Variants in WDR49 observed in about 807,000 individuals in gnomAD.
WDR49 encodes the protein cilia- and flagella-associated protein 337.
In WDR49, 107 loss-of-function variants were observed where a neutral mutation model predicts 119.5. The ratio of observed to expected loss-of-function variants is 0.90; its 90% CI spans 0.77 to 1.05. The LOEUF is 1.05. WDR49 is among the 50% of genes least tolerant of loss of function. The pLI, the probability that WDR49 is intolerant of heterozygous loss-of-function variation, is 0.00. For synonymous variants in WDR49, 425 were observed against 418.8 expected (o/e 1.01, Z -0.18); for missense variants, 1,240 against 1,220.5 (o/e 1.02, Z -0.24).
intron 8 of WDR49, among the ~76,000 whole-genome samples, chr3:167,574,600 T>C (rs143982158): frequency 1.3e-5 from 2 of 150,068 alleles, no homozygotes; most frequent in African/African-American, 4.8e-5. Flanking sequence ...CATTGTCCTT[T>C]GGTTGCCTAT....
intron 5 of WDR49, 122 bp from the exon 6 acceptor site, chr3:167,604,590 G>T: frequency 2.0e-6 from 2 of 998,746 alleles, no homozygotes; most frequent in Non-Finnish European, 1.4e-6. Context: ...GATACAAACT[G>T]ATACTTAAAA....
chr3:167,633,376 G>C (rs557879471), intron 2 of WDR49: 8 of 451,132 alleles, frequency 1.8e-5, no homozygotes, highest in African/African-American at 1.6e-4. Flanking sequence ...ATAGAAAGCT[G>C]TCCTAAGTGA....
At chr3:167,636,280 C>A (rs1717615481) in intron 2 of WDR49, among the ~76,000 whole-genome samples, 1 of 147,374 alleles carries the variant, frequency 6.8e-6, no homozygotes, top group Admixed American at 6.7e-5. Context: ...GAGGTTGCTG[C>A]AAATATCATT....
At chr3:167,480,757 C>T (rs1052206652) in intron 18 of WDR49, among the ~76,000 whole-genome samples, 5 of 152,102 alleles carry the variant, frequency 3.3e-5, no homozygotes, top group Admixed American at 1.3e-4. Context: ...AGAGAGTATA[C>T]GAAGGCCAGC....
At chr3:167,485,142 A>T (rs1396671237) in intron 18 of WDR49, among the ~76,000 whole-genome samples, 2 of 152,140 alleles carry the variant, frequency 1.3e-5, no homozygotes, top group Non-Finnish European at 2.9e-5. Flanking sequence ...GAGTTGAACA[A>T]TGAGAACACA....
intron 16 of WDR49, among the ~76,000 whole-genome samples, chr3:167,509,960 C>A (rs1188041516): frequency 6.6e-6 from 1 of 152,044 alleles, no homozygotes; most frequent in Admixed American, 6.6e-5. Context: ...ATAAAATGTA[C>A]ATTTTTTCAT....
chr3:167,641,742 C>T (rs1012696005), intron 2 of WDR49, among the ~76,000 whole-genome samples: 15 of 151,750 alleles, frequency 9.9e-5, no homozygotes, highest in Admixed American at 3.3e-4. Flanking sequence ...TGGGGGAAAA[C>T]ACAGCCTACA....
intron 2 of WDR49, among the ~76,000 whole-genome samples, chr3:167,642,155 A>AT (rs1187622353): frequency 6.6e-6 from 1 of 151,920 alleles, no homozygotes; most frequent in Non-Finnish European, 1.5e-5. Context: ...CAAAACAAAG[A>AT]TTTTTTAAAC....
chr3:167,532,904 G>C lies in WDR49; in HGVS notation c.2028C>G (p.Tyr676Ter). The change falls in exon 12 of 19, where the codon TAC becomes TAG. Residue 676 changes from tyrosine (Y) to a stop codon, truncating the protein, a stop_gained. Coordinates refer to ENST00000682715, the MANE Select transcript of WDR49 (RefSeq NM_001366157.1). LOFTEE classifies it high-confidence loss of function. ...ENAHHVLHPD[Y>*]QRLLKSKLDT... Reference sequence around the variant, plus strand: ...CTAATTTTGACTTTAGCAACCTCTGGTAATCAGGGTGAAGAACATGGTGAG... The same window carrying C: ...CTAATTTTGACTTTAGCAACCTCTGCTAATCAGGGTGAAGAACATGGTGAG... 12 of 1,608,744 alleles carry C rather than the reference G, an allele frequency of 7.5e-6. No homozygotes were observed. Among genetic ancestry groups the C allele is most frequent in the Non-Finnish European group, 1.0e-5 (12 of 1,176,788 alleles).
chr3:167,539,520 A>T (rs1358437381), intron 10 of WDR49, among the ~76,000 whole-genome samples: 3 of 152,150 alleles, frequency 2.0e-5, no homozygotes, highest in Non-Finnish European at 4.4e-5. Context: ...CATCATTCAC[A>T]TTTAACTTGT....
intron 18 of WDR49, among the ~76,000 whole-genome samples, chr3:167,493,701 C>T (rs148331553): frequency 3.2e-4 from 48 of 152,262 alleles, no homozygotes; most frequent in African/African-American, 7.9e-4. Flanking sequence ...AAAATCAGAA[C>T]AAAAATATTG....
chr3:167,505,882 A>G (rs1031087868), intron 16 of WDR49, among the ~76,000 whole-genome samples: 5 of 152,230 alleles, frequency 3.3e-5, no homozygotes, highest in Admixed American at 6.5e-5. Flanking sequence ...ATATGAATCT[A>G]TAAGAAAATT....
chr3:167,540,865 C>A (rs139092971), intron 10 of WDR49, among the ~76,000 whole-genome samples: 277 of 151,960 alleles, frequency 1.8e-3, no homozygotes, highest in African/African-American at 6.6e-3. Flanking sequence ...AAAACAATCA[C>A]AACTTCTGAA....
At chr3:167,560,793 A>T (rs1197458804) in intron 8 of WDR49, among the ~76,000 whole-genome samples, 1 of 152,110 alleles carries the variant, frequency 6.6e-6, no homozygotes, top group African/African-American at 2.4e-5. Flanking sequence ...CTAAAAAAAA[A>T]AAAAAAGAGC....
Position 167,539,155 on chromosome 3 carries a change from T to C in WDR49, c.1824-2155A>G, listed in dbSNP as rs576997846. ...GAATAATTTTCTATTAAAATAAAGA[T>C]AGATGAATTAATGCAAGAGAACGCA... On this transcript the variant is annotated intron_variant, in intron 10 of 18. Transcript: ENST00000682715. Among the ~76,000 whole-genome samples the C allele has an allele frequency of 1.3e-4, 20 of 152,282 alleles. No individual in the cohort carries two copies. The Middle Eastern group carries it at 0.014, about 104-fold the overall frequency.
At chr3:167,526,318 T>C (rs1230748866) in intron 15 of WDR49, among the ~76,000 whole-genome samples, 1 of 152,188 alleles carries the variant, frequency 6.6e-6, no homozygotes, top group Non-Finnish European at 1.5e-5. Context: ...GAACTTTATA[T>C]GGCACCTACA....
chr3:167,478,956 C>T lies in WDR49; in HGVS notation c.3072G>A (p.Lys1024=). The T allele has an allele frequency of 6.2e-7, 1 of 1,608,456 alleles. No homozygotes were observed. The highest frequency in any genetic ancestry group is 8.5e-7 in the Non-Finnish European group (1 of 1,178,624). Residue 1024 remains lysine (K), a synonymous_variant, in exon 19 of 19, where the codon AAG becomes AAA. Transcript: ENST00000682715. Reference sequence around the variant, plus strand: ...CTTTTCGTTCATGATGCAGAATTTCCTTGGGAAACAGGTTTTTCTCATCAA... The same window carrying T: ...CTTTTCGTTCATGATGCAGAATTTCTTTGGGAAACAGGTTTTTCTCATCAA... ...AVFDEKNLFP[K]EILHHERKAK...
At chr3:167,623,939 G>A (rs1014060780) in intron 3 of WDR49, among the ~76,000 whole-genome samples, 12 of 151,824 alleles carry the variant, frequency 7.9e-5, no homozygotes, top group African/African-American at 2.7e-4. Flanking sequence ...TACCAAAGGC[G>A]GTGTTAAGAG....
chr3:167,521,972 A>AGATAGATAGAT (rs1158383261), intron 16 of WDR49, among the ~76,000 whole-genome samples: 9 of 84,988 alleles, frequency 1.1e-4, no homozygotes, highest in African/African-American at 3.4e-4. Flanking sequence ...TAAGATAGAT[A>AGATAGATAGAT]GATAGATAGA....
Sources: allele counts gnomAD v4.1 joint callset (sites outside exome capture counted in the v4.1 genomes callset), GRCh38; gene constraint gnomAD v4.1.1; transcripts MANE v1.5; gene names NCBI Gene and HGNC (gene_info 2026-07-23, HGNC 2026-07-21).